Variants in TPM3 observed in about 807,000 individuals in gnomAD.
TPM3 encodes the protein tropomyosin alpha-3 chain.
TPM3 carries 16 observed loss-of-function variants against 43.1 expected under a neutral mutation model. That is an observed-to-expected ratio of 0.37 (90% CI 0.25 to 0.56). The LOEUF (loss-of-function observed/expected upper bound fraction) is 0.56, where lower values mean the gene tolerates loss of function less well. Among genes scored for constraint, TPM3 ranks in the 20% least tolerant of loss-of-function variants. The pLI is 0.77. For missense variants in TPM3, 176 were observed against 337.2 expected, an observed-to-expected ratio of 0.52 and a Z score of 3.74; for synonymous variants, 101 against 116.9, an observed-to-expected ratio of 0.86 and a Z score of 0.88.
At position 154,166,593 on chromosome 1, in the gene TPM3, A is replaced by G; in HGVS notation, c.*1344T>C. ...TAAATACATACCCTGCTGGGAAACT[A>G]AAGTACTAAGTGAACAACACTTACG... On this transcript the variant is annotated 3_prime_UTR_variant, in exon 10 of 10. Transcript: ENST00000651641. 2 of 1,050,334 alleles carry G rather than the reference A, an allele frequency of 1.9e-6. No individual in the cohort carries two copies. The highest frequency in any genetic ancestry group is 2.3e-6 in the Non-Finnish European group (2 of 869,840). 65.1% of individuals were successfully genotyped at this position (1,050,334 alleles called of 1,614,324 possible).
chr1:154,157,177 G>T, downstream of TPM3: 1 of 293,312 alleles, frequency 3.4e-6, no homozygotes, highest in Non-Finnish European at 6.5e-6. Flanking sequence ...GCTCTGTTTG[G>T]CTCTCGGTAA....
intron 2 of TPM3, among the ~76,000 whole-genome samples, chr1:154,180,652 A>C (rs1662839758): frequency 6.6e-6 from 1 of 152,186 alleles, no homozygotes; most frequent in Non-Finnish European, 1.5e-5. Flanking sequence ...TCATGCCTGT[A>C]ATCTCAGCAC....
At chr1:154,169,032 C>A (rs1023417984) in intron 9 of TPM3, among the ~76,000 whole-genome samples, 1 of 147,908 alleles carries the variant, frequency 6.8e-6, no homozygotes, top group African/African-American at 2.5e-5. Context: ...GACGGGGTTT[C>A]ACCATGTTGG....
At chr1:154,158,192 A>G (rs1421745549), downstream of TPM3, among the ~76,000 whole-genome samples, 2 of 152,232 alleles carry the variant, frequency 1.3e-5, no homozygotes, top group Non-Finnish European at 2.9e-5. Flanking sequence ...GGCCAAAGTA[A>G]TAACTGATGG....
chr1:154,170,092 A>G, intron 8 of TPM3: 1 of 378,460 alleles, frequency 2.6e-6, no homozygotes, highest in Non-Finnish European at 4.9e-6. Context: ...TTCCATTTAA[A>G]CCCACAGACT....
chr1:154,161,696 C>T (rs1050685258), downstream of TPM3, among the ~76,000 whole-genome samples: 6 of 151,960 alleles, frequency 3.9e-5, no homozygotes, highest in Admixed American at 3.9e-4. Context: ...GCCCGCCTCC[C>T]AAAGTGCTGG....
chr1:154,183,391 T>C (rs1571443753), intron 2 of TPM3: 1 of 1,193,982 alleles, frequency 8.4e-7, no homozygotes, highest in Non-Finnish European at 1.1e-6. Flanking sequence ...TGGGACGGGG[T>C]TGGGACGAGG....
At position 154,172,414 on chromosome 1, in the gene TPM3, G is replaced by A. The variant is rs1661697775; in HGVS notation, c.566+494C>T. ...GGCAAAGTGGCCAAAACAGACACCA[G>A]ATTTTTTTTTTAAATTTATTTGTTT... On this transcript the variant is annotated intron_variant, in intron 5 of 9. Transcript: ENST00000651641. The A allele has an allele frequency of 6.9e-6, 4 of 582,196 alleles. No individual in the cohort carries two copies. The East Asian group carries it at 1.6e-4, about 24-fold the overall frequency. The allele number at this position is 582,196 out of a possible 1,614,324, so 36.1% of individuals were successfully genotyped here. A position where few individuals can be genotyped will look rare whatever the true frequency, so the allele number is the denominator to read the frequency against.
At chr1:154,160,876 C>T (rs1660278572), downstream of TPM3, among the ~76,000 whole-genome samples, 1 of 152,078 alleles carries the variant, frequency 6.6e-6, no homozygotes, top group Admixed American at 6.6e-5. Context: ...TTGGATTTTA[C>T]ATACACATAC....
intron 2 of TPM3, among the ~76,000 whole-genome samples, chr1:154,177,055 T>C (rs1200374831): frequency 6.6e-6 from 1 of 151,254 alleles, no homozygotes; most frequent in East Asian, 1.9e-4. Context: ...ATTCCTATGA[T>C]CACTTTACCC....
At position 154,166,396 on chromosome 1, in the gene TPM3, A is replaced by C; in HGVS notation, c.*1541T>G. On this transcript the variant is annotated 3_prime_UTR_variant, in exon 10 of 10. Transcript: ENST00000651641. Reference sequence around the variant, plus strand: ...TTCTTAGGCAACCTTGTTGTTCTCCACTCCCAGGAGGTCACCATACTGATG... The same window carrying C: ...TTCTTAGGCAACCTTGTTGTTCTCCCCTCCCAGGAGGTCACCATACTGATG... 1 of 382,358 alleles carries C rather than the reference A, an allele frequency of 2.6e-6. No homozygotes were observed. Among genetic ancestry groups the C allele is most frequent in the Non-Finnish European group, 3.8e-6 (1 of 260,242 alleles). The allele number at this position is 382,358 out of a possible 1,614,324, so 23.7% of individuals were successfully genotyped here.
chr1:154,158,867 C>A (rs1164784438), downstream of TPM3: 3 of 749,970 alleles, frequency 4.0e-6, no homozygotes, highest in Non-Finnish European at 7.4e-6. Flanking sequence ...TTGCTCAGGG[C>A]AAAATAATAA....
At position 154,165,660 on chromosome 1, in the gene TPM3, G is replaced by A. The variant is rs531348440; in HGVS notation, c.*2277C>T. 6.6e-6 allele frequency among the ~76,000 whole-genome samples: 1 copy of A among 151,356 alleles called. No individual in the cohort carries two copies. Among genetic ancestry groups the A allele is most frequent in the African/African-American group, 2.4e-5 (1 of 41,158 alleles). The stretch of plus-strand genomic sequence containing the variant: ...AAAAATTAGCTGGGTGTGGTGGCAG[G>A]CGCCTGTGATCTCAGCTACTCGGGA... On this transcript the variant is annotated 3_prime_UTR_variant, in exon 10 of 10. Coordinates refer to ENST00000651641, the MANE Select transcript of TPM3 (RefSeq NM_152263.4).
chr1:154,169,737 A>C (rs1437948469), intron 8 of TPM3: 1 of 390,918 alleles, frequency 2.6e-6, no homozygotes, highest in Non-Finnish European at 4.9e-6. Context: ...GCAAAGGGAG[A>C]GAGTATATAT....
chr1:154,185,564 G>A (rs1455878617), intron 2 of TPM3, among the ~76,000 whole-genome samples: 1 of 149,884 alleles, frequency 6.7e-6, no homozygotes, highest in Non-Finnish European at 1.5e-5. Flanking sequence ...CAAAAAACTA[G>A]CCAGGTGCAG....
intron 8 of TPM3, chr1:154,170,105 AG>A: frequency 2.5e-6 from 1 of 407,170 alleles, no homozygotes; most frequent in Non-Finnish European, 4.6e-6. Flanking sequence ...CACAGACTAA[AG>A]GTTTAAGACT....
At position 154,165,120 on chromosome 1, in the gene TPM3, G is replaced by A. The variant is rs1324768492; in HGVS notation, c.*2817C>T. 6.6e-6 allele frequency among the ~76,000 whole-genome samples: 1 copy of A among 152,136 alleles called. No homozygotes were observed. The highest frequency in any genetic ancestry group is 1.5e-5 in the Non-Finnish European group (1 of 68,038). On this transcript the variant is annotated 3_prime_UTR_variant, in exon 10 of 10. Transcript: ENST00000651641. Reference sequence around the variant, plus strand: ...GCTCAGGCCAGGTGCAGTGGCTCACGCCTGTAATCCCAACACTTTGGGAGG... The same window carrying A: ...GCTCAGGCCAGGTGCAGTGGCTCACACCTGTAATCCCAACACTTTGGGAGG...
intron 2 of TPM3, among the ~76,000 whole-genome samples, chr1:154,189,216 C>T (rs1198360212): frequency 1.5e-5 from 2 of 135,010 alleles, no homozygotes; most frequent in East Asian, 4.8e-4. Flanking sequence ...GGCGCAGTGG[C>T]TCACGCCTGT....
At chr1:154,182,970 G>GC (rs1663133708) in intron 2 of TPM3, 7 of 1,610,584 alleles carry the variant, frequency 4.3e-6, no homozygotes, top group Non-Finnish European at 5.9e-6. Context: ...TCCCTCATGA[G>GC]CCTCACCATC....
Sources: allele counts gnomAD v4.1 joint callset (sites outside exome capture counted in the v4.1 genomes callset), GRCh38; gene constraint gnomAD v4.1.1; transcripts MANE v1.5; gene names NCBI Gene and HGNC (gene_info 2026-07-23, HGNC 2026-07-21).